STRN: variants seen among roughly 807,000 people sequenced by gnomAD.
The protein encoded by STRN is striatin.
STRN carries 53 observed loss-of-function variants against 96.3 expected under a neutral mutation model. The observed-to-expected ratio is 0.55, with a 90% CI of 0.44 to 0.69. The LOEUF (loss-of-function observed/expected upper bound fraction) is 0.69. Among genes scored for constraint, STRN ranks in the 30% least tolerant of loss-of-function variants. The pLI, the probability that STRN is intolerant of heterozygous loss-of-function variation, is 0.00. For missense variants in STRN, 987 were observed against 963.9 expected, an observed-to-expected ratio of 1.02 and a Z score of -0.32; for synonymous variants, 428 against 355.9, an observed-to-expected ratio of 1.20 and a Z score of -2.28.
At position 36,849,500 on chromosome 2, in the gene STRN, T is replaced by C. The variant is rs1668166158; in HGVS notation, c.2299A>G (p.Ile767Val). 1 of 1,614,180 alleles carries C rather than the reference T, an allele frequency of 6.2e-7. No individual in the cohort carries two copies. The highest frequency in any genetic ancestry group is 8.5e-7 in the Non-Finnish European group (1 of 1,180,010). Residue 767 changes from isoleucine to valine, a missense_variant, in exon 18 of 18, where the codon ATA becomes GTA. By Grantham distance (29) the Ile-to-Val change is conservative. Transcript: ENST00000263918. ...DVAFHPSKCY[I>V]ASAGADALAK... ...AGTGCGTCAGCTCCAGCACTGGCTA[T>C]ATAGCATTTGGATGGGTGGAAAGCT...
At position 36,899,539 on chromosome 2, in the gene STRN, A is replaced by T; in HGVS notation, c.779T>A (p.Val260Asp). Reference sequence around the variant, plus strand: ...CTAACTCACTGTTGAAGTATCAATGACGCTTTTCTCTCTTCCATCAACATC... The same window carrying T: ...CTAACTCACTGTTGAAGTATCAATGTCGCTTTTCTCTCTTCCATCAACATC... Reference protein sequence around the residue: ...DDDVDGREKSVIDTSTIVRKK... With the variant: ...DDDVDGREKSDIDTSTIVRKK... Residue 260 changes from valine to aspartate, a missense_variant, in exon 6 of 18, where the codon GTC (valine) becomes GAC (aspartate). Physicochemically the swap from Val to Asp is radical, Grantham distance 152. Coordinates refer to ENST00000263918, the MANE Select transcript of STRN (RefSeq NM_003162.4). 8 of 1,612,330 alleles carry T rather than the reference A, an allele frequency of 5.0e-6. No individual in the cohort carries two copies. The highest frequency in any genetic ancestry group is 6.8e-6 in the Non-Finnish European group (8 of 1,179,658).
In STRN at chr2:36,880,308, G is replaced by A. The variant is rs557355259; in HGVS notation, c.1187-2281C>T. The stretch of plus-strand genomic sequence containing the variant: ...TTAACAATTAACCAAGCATGGTGGT[G>A]CATGCCTCTAGTCCTAGCTAACTGG... On this transcript the variant is annotated intron_variant, in intron 9 of 17. Transcript: ENST00000263918. Among the ~76,000 whole-genome samples the A allele has an allele frequency of 1.3e-3, 196 of 152,274 alleles. 1 individual carries two copies. Among genetic ancestry groups the A allele is most frequent in the Non-Finnish European group, 2.2e-3 (149 of 68,028 alleles).
chr2:36,929,665 G>A (rs1295083049), intron 1 of STRN, among the ~76,000 whole-genome samples: 3 of 152,124 alleles, frequency 2.0e-5, no homozygotes, highest in Admixed American at 6.6e-5. Flanking sequence ...TTACAGGTGT[G>A]AGCCACCACG....
chr2:36,928,871 C>T (rs1254245535), intron 1 of STRN, among the ~76,000 whole-genome samples: 1 of 150,986 alleles, frequency 6.6e-6, no homozygotes, highest in African/African-American at 2.4e-5. Flanking sequence ...TTGCTTGAAC[C>T]CAGGAGGCAG....
intron 1 of STRN, among the ~76,000 whole-genome samples, chr2:36,936,807 CTTCT>C (rs556941726): frequency 1.9e-4 from 29 of 152,262 alleles, no homozygotes; most frequent in East Asian, 7.7e-4. Context: ...TACAGGCTTT[CTTCT>C]TTCTATTTGT....
At chr2:36,899,296 CAATG>C (rs1220462070) in intron 6 of STRN, among the ~76,000 whole-genome samples, 1 of 152,064 alleles carries the variant, frequency 6.6e-6, no homozygotes, top group Non-Finnish European at 1.5e-5. Flanking sequence ...TTGTCCTGTT[CAATG>C]AATGAACAAA....
At position 36,883,988 on chromosome 2, in the gene STRN, G is replaced by A. The variant is rs1469469130; in HGVS notation, c.1130C>T (p.Pro377Leu). The change falls in exon 9 of 18, where the codon CCT becomes CTT. Residue 377 changes from proline (P) to leucine (L), a missense_variant. Transcript: ENST00000263918. Reference protein sequence around the residue: ...LPSLQPSVGSPSRPSSSRLPE... With the variant: ...LPSLQPSVGSLSRPSSSRLPE... ...AAGCCTGGAGCTGCTGGGTCTGGAA[G>A]GTGAACCCACAGATGGCTGCAATGA... 7 of 1,443,866 alleles carry A rather than the reference G, an allele frequency of 4.8e-6. No individual in the cohort carries two copies. The highest frequency in any genetic ancestry group is 6.4e-6 in the Non-Finnish European group (7 of 1,093,724). The allele number at this position is 1,443,866 out of a possible 1,614,324, so 89.4% of individuals were successfully genotyped here.
chr2:36,875,659 A>ATTTT (rs70946955), intron 10 of STRN, among the ~76,000 whole-genome samples: 1 of 142,490 alleles, frequency 7.0e-6, no homozygotes, highest in Non-Finnish European at 1.5e-5. Context: ...AATAGAAATG[A>ATTTT]TTTTTTTTTT....
chr2:36,950,493 G>A (rs1465048910), intron 1 of STRN, among the ~76,000 whole-genome samples: 3 of 152,156 alleles, frequency 2.0e-5, no homozygotes. Flanking sequence ...TAGGATTACA[G>A]GCGTAGTTTT....
At chr2:36,859,209 T>G (rs752751390) in intron 13 of STRN, among the ~76,000 whole-genome samples, 41 of 152,150 alleles carry the variant, frequency 2.7e-4, no homozygotes, top group Non-Finnish European at 8.8e-5. Flanking sequence ...GGATCAAGTA[T>G]GTATTTAATA....
chr2:36,940,390 A>G (rs1459950708), intron 1 of STRN, among the ~76,000 whole-genome samples: 1 of 152,198 alleles, frequency 6.6e-6, no homozygotes, highest in African/African-American at 2.4e-5. Flanking sequence ...GAATCATCAC[A>G]CGGAAAACTG....
intron 5 of STRN, among the ~76,000 whole-genome samples, chr2:36,901,667 A>G (rs977707114): frequency 6.6e-6 from 1 of 152,200 alleles, no homozygotes; most frequent in African/African-American, 2.4e-5. Flanking sequence ...TCTATAGAGA[A>G]ATAACATGCC....
chr2:36,946,925 T>C (rs908942696), intron 1 of STRN, among the ~76,000 whole-genome samples: 21 of 152,108 alleles, frequency 1.4e-4, no homozygotes, highest in African/African-American at 5.1e-4. Context: ...AGACGGATTC[T>C]AGCTCTGTCA....
chr2:36,877,859 G>C (rs1043881210), intron 10 of STRN, 32 bp downstream of exon 10: 2 of 1,610,606 alleles, frequency 1.2e-6, no homozygotes, highest in Admixed American at 1.7e-5. Flanking sequence ...TAAAAACCAA[G>C]TAAACACAAC....
In STRN at chr2:36,843,368, G is replaced by C. The variant is rs886564620; in HGVS notation, c.*6088C>G. On this transcript the variant is annotated 3_prime_UTR_variant, in exon 18 of 18. Coordinates refer to ENST00000263918, the MANE Select transcript of STRN (RefSeq NM_003162.4). ...AAATAATGTTGATTTGAAGGGGCAG[G>C]GAGTGTGGAAGGCTTGTGTATGTCT... Among the ~76,000 whole-genome samples, 5 of 152,194 alleles carry C rather than the reference G, an allele frequency of 3.3e-5. No individual in the cohort carries two copies. The highest frequency in any genetic ancestry group is 3.4e-3 in the Middle Eastern group (1 of 292).
chr2:36,883,517 G>C (rs542613574), intron 9 of STRN, among the ~76,000 whole-genome samples: 40 of 152,240 alleles, frequency 2.6e-4, no homozygotes, highest in African/African-American at 8.9e-4. Flanking sequence ...AGTTAAAATA[G>C]CAGAATATGT....
chr2:36,923,693 T>A (rs1670324199), intron 2 of STRN, among the ~76,000 whole-genome samples: 1 of 152,218 alleles, frequency 6.6e-6, no homozygotes, highest in Admixed American at 6.5e-5. Flanking sequence ...CATCTATTTA[T>A]CTAATTGCAT....
intron 1 of STRN, among the ~76,000 whole-genome samples, chr2:36,925,478 T>C (rs1446832226): frequency 1.3e-5 from 2 of 152,074 alleles, no homozygotes; most frequent in African/African-American, 4.8e-5. Context: ...GAGTCTACAA[T>C]ATAAAACAAC....
chr2:36,920,417 T>C (rs1192095011), intron 2 of STRN, among the ~76,000 whole-genome samples: 1 of 151,896 alleles, frequency 6.6e-6, no homozygotes, highest in Non-Finnish European at 1.5e-5. Flanking sequence ...GGTGGGCAGA[T>C]CACCTGAGGT....
Sources: allele counts gnomAD v4.1 joint callset (sites outside exome capture counted in the v4.1 genomes callset), GRCh38; gene constraint gnomAD v4.1.1; transcripts MANE v1.5; gene names NCBI Gene and HGNC (gene_info 2026-07-23, HGNC 2026-07-21).